The following HPSE2 variants were observed in gnomAD, a reference collection of about 807,000 sequenced individuals.
HPSE2 encodes the protein inactive heparanase-2.
HPSE2 carries 38 observed loss-of-function variants against 60.5 expected under a neutral mutation model. The ratio of observed to expected loss-of-function variants is 0.63; its 90% CI spans 0.48 to 0.82. The LOEUF is 0.82. Among genes scored for constraint, HPSE2 ranks in the 40% least tolerant of loss-of-function variants. The probability of loss-of-function intolerance (pLI) is 0.00; values close to 1 mark genes in which losing one functional copy is unlikely to be tolerated. For missense variants in HPSE2, 713 were observed against 740.4 expected, an observed-to-expected ratio of 0.96 and a Z score of 0.43; for synonymous variants, 295 against 293.2, an observed-to-expected ratio of 1.01 and a Z score of -0.06.
intron 3 of HPSE2, among the ~76,000 whole-genome samples, chr10:98,964,267 G>C (rs930348947): frequency 6.6e-6 from 1 of 151,568 alleles, no homozygotes; most frequent in Non-Finnish European, 1.5e-5. Context: ...CTATTTCAAG[G>C]TTTCTGTACA....
At chr10:99,122,825 A>G (rs1845010346) in intron 3 of HPSE2, among the ~76,000 whole-genome samples, 1 of 152,132 alleles carries the variant, frequency 6.6e-6, no homozygotes, top group Non-Finnish European at 1.5e-5. Flanking sequence ...AAAAGTAATT[A>G]TATGGGAATA....
chr10:98,476,403 A>G (rs1264330070), intron 11 of HPSE2, among the ~76,000 whole-genome samples: 1 of 149,498 alleles, frequency 6.7e-6, no homozygotes, highest in African/African-American at 2.5e-5. Flanking sequence ...GCACACCAGC[A>G]TGGCACATAT....
At chr10:98,505,398 G>A (rs1320060311) in intron 9 of HPSE2, among the ~76,000 whole-genome samples, 2 of 152,186 alleles carry the variant, frequency 1.3e-5, no homozygotes, top group Admixed American at 1.3e-4. Flanking sequence ...ATACCTAAGA[G>A]TGGAATTGCT....
rs371628747 is a variant in HPSE2, at chr10:98,738,098, T to G, written c.784+5785A>C. Among the ~76,000 whole-genome samples the G allele has an allele frequency of 3.6e-4, 55 of 152,262 alleles. 2 individuals are homozygous for G. In the South Asian group the frequency reaches 0.011, roughly 31 times the overall value. ...TTCAAACTATACTACAAGGCTACAG[T>G]AACCAAAACAGCACGGTACTGGTAC... On this transcript the variant is annotated intron_variant, in intron 4 of 11. Transcript: ENST00000370552.
chr10:98,841,752 T>C (rs971108120), intron 3 of HPSE2, among the ~76,000 whole-genome samples: 7 of 152,246 alleles, frequency 4.6e-5, no homozygotes, highest in Non-Finnish European at 1.0e-4. Flanking sequence ...GTACATTATC[T>C]TCCCCCAGTG....
intron 3 of HPSE2, among the ~76,000 whole-genome samples, chr10:98,981,498 C>T (rs1311096862): frequency 2.0e-5 from 3 of 152,126 alleles, no homozygotes; most frequent in African/African-American, 7.2e-5. Context: ...ATTGAAATAA[C>T]ATTTATGAAA....
At chr10:98,569,311 T>G (rs1276681700) in intron 9 of HPSE2, among the ~76,000 whole-genome samples, 1 of 152,152 alleles carries the variant, frequency 6.6e-6, no homozygotes, top group Non-Finnish European at 1.5e-5. Context: ...TCCACCCACC[T>G]TGGCCCCCCA....
chr10:98,705,761 G>A (rs188467760), intron 5 of HPSE2, among the ~76,000 whole-genome samples: 1 of 152,036 alleles, frequency 6.6e-6, no homozygotes, highest in Non-Finnish European at 1.5e-5. Context: ...GTCGCGGGGT[G>A]GGGGAGCGAG....
In HPSE2 at chr10:98,736,171, G is replaced by A. The variant is rs530559541; in HGVS notation, c.784+7712C>T. ...GTTCTCATGGTAGTGAATAAGTCTCGCAAGAGCTGAGGATTTTATAAGGGG... is the reference window on the plus strand; with the variant it reads ...GTTCTCATGGTAGTGAATAAGTCTCACAAGAGCTGAGGATTTTATAAGGGG... On this transcript the variant is annotated intron_variant, in intron 4 of 11. Coordinates refer to ENST00000370552, the MANE Select transcript of HPSE2 (RefSeq NM_021828.5). 5.3e-5 allele frequency among the ~76,000 whole-genome samples: 8 copies of A among 151,200 alleles called. 1 individual carries two copies. In the South Asian group the frequency reaches 1.3e-3, roughly 24 times the overall value.
chr10:99,094,659 C>T (rs931513819), intron 3 of HPSE2, among the ~76,000 whole-genome samples: 102 of 144,852 alleles, frequency 7.0e-4, no homozygotes, highest in African/African-American at 2.5e-3. Flanking sequence ...CAAGCTCAAG[C>T]GATTCTCCTG....
At chr10:99,101,560 G>A (rs1273422782) in intron 3 of HPSE2, among the ~76,000 whole-genome samples, 1 of 152,138 alleles carries the variant, frequency 6.6e-6, no homozygotes, top group Non-Finnish European at 1.5e-5. Flanking sequence ...ACACCCCACT[G>A]TCAACATTAG....
chr10:98,519,098 C>A (rs1454477824), intron 9 of HPSE2, among the ~76,000 whole-genome samples: 3 of 152,122 alleles, frequency 2.0e-5, no homozygotes, highest in Admixed American at 6.5e-5. Context: ...TATGTATGTG[C>A]CAGAAAGTCT....
chr10:99,211,646 T>C (rs1848957233), intron 2 of HPSE2, among the ~76,000 whole-genome samples: 1 of 152,092 alleles, frequency 6.6e-6, no homozygotes, highest in South Asian at 2.1e-4. Context: ...GTTGAGAAAC[T>C]GGATATCCAC....
At chr10:99,062,299 A>C (rs1970535) in intron 3 of HPSE2, among the ~76,000 whole-genome samples, 74,684 of 151,908 alleles carry the variant, frequency 0.49, 20,798 homozygotes, top group East Asian at 0.65. Flanking sequence ...CTCCTGTCCA[A>C]CTCCAGGTGA....
chr10:98,640,170 C>T (rs1946602086), intron 7 of HPSE2, among the ~76,000 whole-genome samples: 1 of 152,180 alleles, frequency 6.6e-6, no homozygotes, highest in African/African-American at 2.4e-5. Context: ...TTAAAACTTA[C>T]TTTACCTTGA....
chr10:98,508,321 G>A (rs952331054), intron 9 of HPSE2, among the ~76,000 whole-genome samples: 1 of 152,186 alleles, frequency 6.6e-6, no homozygotes, highest in African/African-American at 2.4e-5. Flanking sequence ...AGTATATGGA[G>A]TGAGTTGAAC....
At chr10:99,123,738 T>C (rs1845053412) in intron 3 of HPSE2, among the ~76,000 whole-genome samples, 1 of 152,148 alleles carries the variant, frequency 6.6e-6, no homozygotes, top group Admixed American at 6.5e-5. Flanking sequence ...AGGCAGGTGG[T>C]TCTGATGAGT....
intron 6 of HPSE2, among the ~76,000 whole-genome samples, chr10:98,647,877 G>T (rs1435466078): frequency 6.6e-6 from 1 of 152,176 alleles, no homozygotes. Flanking sequence ...GAATACAGAT[G>T]TTTCTTTGGC....
chr10:99,154,797 C>A (rs1025339358), intron 2 of HPSE2, among the ~76,000 whole-genome samples: 1 of 151,894 alleles, frequency 6.6e-6, no homozygotes, highest in Non-Finnish European at 1.5e-5. Flanking sequence ...AATTAAAAGA[C>A]ACAGACTGGC....
Sources: allele counts gnomAD v4.1 joint callset (sites outside exome capture counted in the v4.1 genomes callset), GRCh38; gene constraint gnomAD v4.1.1; transcripts MANE v1.5; gene names NCBI Gene and HGNC (gene_info 2026-07-23, HGNC 2026-07-21).